DBF4B: variants seen among roughly 807,000 people sequenced by gnomAD.
DBF4B encodes protein DBF4 homolog B.
DBF4B carries 49 observed loss-of-function variants against 53.4 expected under a neutral mutation model. The observed-to-expected ratio is 0.92, with a 90% CI of 0.73 to 1.16. The LOEUF (loss-of-function observed/expected upper bound fraction) is 1.16, where lower values mean the gene tolerates loss of function less well. DBF4B is among the 50% of genes most tolerant of loss of function. The probability of loss-of-function intolerance (pLI) is 0.00; values close to 1 mark genes in which losing one functional copy is unlikely to be tolerated. For synonymous variants in DBF4B, 257 were observed against 288.7 expected (o/e 0.89, Z 1.11); for missense variants, 692 against 775.0 (o/e 0.89, Z 1.27).
chr17:44,723,188 C>T (rs1974003161), intron 3 of DBF4B, among the ~76,000 whole-genome samples, 166 bp downstream of exon 3: 1 of 152,134 alleles, frequency 6.6e-6, no homozygotes, highest in African/African-American at 2.4e-5. Flanking sequence ...CTCACTGCAA[C>T]CTCTGCCTCC....
rs138176405 is a variant in DBF4B, at chr17:44,750,701, G to A, written c.1296G>A (p.Pro432=). Reference sequence around the variant, plus strand: ...GTGTGAGTGCCACAACCCTCCTGCCGGCCTTGCCCAAGGGCTCCAGGGAGC... The same window carrying A: ...GTGTGAGTGCCACAACCCTCCTGCCAGCCTTGCCCAAGGGCTCCAGGGAGC... ...HTCVSATTLL[P]ALPKGSREQG... is the part of the protein sequence containing the mutation. Residue 432 remains proline, a synonymous_variant, in exon 14 of 14, where the codon CCG becomes CCA. Coordinates refer to ENST00000315005, the MANE Select transcript of DBF4B (RefSeq NM_145663.3). The A allele has an allele frequency of 2.4e-4, 382 of 1,614,066 alleles. 1 individual carries two copies. In the African/African-American group the frequency reaches 4.2e-3, roughly 18 times the overall value.
chr17:44,713,170 G>A (rs1006010066), intron 2 of DBF4B, among the ~76,000 whole-genome samples: 3 of 149,092 alleles, frequency 2.0e-5, no homozygotes, highest in Non-Finnish European at 3.0e-5. Context: ...CTCTGGAGTC[G>A]CTGGGACTAC....
At chr17:44,724,526 T>C (rs778047880) in intron 3 of DBF4B, among the ~76,000 whole-genome samples, 23 of 152,274 alleles carry the variant, frequency 1.5e-4, no homozygotes, top group Non-Finnish European at 2.6e-4. Context: ...TACAGGCGCC[T>C]ATCACCACGC....
Position 44,744,087 on chromosome 17 carries a change from C to G in DBF4B, c.830+2635C>G, listed in dbSNP as rs933507009. Among the ~76,000 whole-genome samples the G allele has an allele frequency of 9.6e-5, 5 of 52,178 alleles. 1 individual carries two copies. The highest frequency in any genetic ancestry group is 1.7e-4 in the Non-Finnish European group (4 of 23,300). The allele number at this position is 52,178 out of a possible 152,430, so 34.2% of individuals were successfully genotyped here. A position where few individuals can be genotyped will look rare whatever the true frequency, so the allele number is the denominator to read the frequency against. On this transcript the variant is annotated intron_variant, in intron 10 of 13. Coordinates refer to ENST00000315005, the MANE Select transcript of DBF4B (RefSeq NM_145663.3). Reference sequence around the variant, plus strand: ...TGGGCAACATAATGAGACCACCCCCCCCCCCCCCCGCCCATCTCTATTTTT... The same window carrying G: ...TGGGCAACATAATGAGACCACCCCCGCCCCCCCCCGCCCATCTCTATTTTT...
In DBF4B at chr17:44,708,797, AGG is replaced by A; in HGVS notation, c.-23_-22del. On this transcript the variant is annotated 5_prime_UTR_variant, in exon 1 of 14. Coordinates refer to ENST00000315005, the MANE Select transcript of DBF4B (RefSeq NM_145663.3). ...GGAGGCCTCTGAGGAAGGAGTACGG[AGG>A]CCGAGAAGGAGCCGGCATTTGATGA... 6.4e-7 allele frequency: 1 copy of A among 1,551,002 alleles called. No individual in the cohort carries two copies. The highest frequency in any genetic ancestry group is 1.7e-4 in the Middle Eastern group (1 of 5,986).
chr17:44,729,761 A>G (rs1390006614), intron 3 of DBF4B, 144 bp from the exon 4 acceptor site: 1 of 767,760 alleles, frequency 1.3e-6, no homozygotes, highest in Non-Finnish European at 2.0e-6. Context: ...CTTCTTAGGA[A>G]CTTGGTATGA....
chr17:44,751,164 C>T lies in DBF4B; in HGVS notation c.1759C>T (p.Leu587Phe), dbSNP rs781755870. 2 of 1,614,004 alleles carry T rather than the reference C, an allele frequency of 1.2e-6. No individual in the cohort carries two copies. The highest frequency in any genetic ancestry group is 2.2e-5 in the East Asian group (1 of 44,882). Reference protein sequence around the residue: ...AFPSYLNDHDLGHLCQAKPQG... With the variant: ...AFPSYLNDHDFGHLCQAKPQG... ...CCCCTCCTATCTCAATGATCATGAC[C>T]TTGGACATCTCTGCCAGGCCAAACC... Residue 587 changes from leucine to phenylalanine, a missense_variant, in exon 14 of 14, where the codon CTT becomes TTT. Leu to Phe is a conservative substitution (Grantham distance 22). Transcript: ENST00000315005.
Position 44,722,980 on chromosome 17 carries a change from G to A in DBF4B, c.183G>A (p.Lys61=), listed in dbSNP as rs200821996. 8.4e-4 allele frequency: 1,348 copies of A among 1,614,138 alleles called. 19 individuals are homozygous for A. The South Asian group carries it at 0.014, about 17-fold the overall frequency. ...TTTACTTGGATCTGCCTGCTGGCAAGAATCTCCAGTTTTTGACGGGGGCCA... is the reference window on the plus strand; with the variant it reads ...TTTACTTGGATCTGCCTGCTGGCAAAAATCTCCAGTTTTTGACGGGGGCCA... The part of the protein sequence containing the change: ...KSFYLDLPAG[K]NLQFLTGAIQ... Residue 61 remains lysine (K), a synonymous_variant, in exon 3 of 14, where the codon AAG becomes AAA. Coordinates refer to ENST00000315005, the MANE Select transcript of DBF4B (RefSeq NM_145663.3).
At chr17:44,735,390 A>G (rs1052521585) in intron 7 of DBF4B, among the ~76,000 whole-genome samples, 8 of 152,080 alleles carry the variant, frequency 5.3e-5, no homozygotes, top group African/African-American at 1.7e-4. Flanking sequence ...TCAGTTTTGT[A>G]GGCCGGGCAC....
chr17:44,732,030 C>T (rs1460424033), intron 5 of DBF4B, 148 bp from the exon 6 acceptor site: 6 of 676,486 alleles, frequency 8.9e-6, no homozygotes, highest in Non-Finnish European at 1.3e-5. Context: ...GATGGACTCT[C>T]TGGGCACTGT....
chr17:44,716,491 G>C (rs1166700494), intron 2 of DBF4B, among the ~76,000 whole-genome samples: 1 of 152,098 alleles, frequency 6.6e-6, no homozygotes, highest in Admixed American at 6.6e-5. Context: ...TGTTCCTCTA[G>C]TCCAGGGATT....
At chr17:44,731,764 G>A in intron 5 of DBF4B, 1 of 174,282 alleles carries the variant, frequency 5.7e-6, no homozygotes, top group Non-Finnish European at 1.2e-5. Flanking sequence ...TGGTGCTGCT[G>A]GACTGAGCCA....
At chr17:44,712,301 CTTTT>C (rs1163777667) in intron 2 of DBF4B, among the ~76,000 whole-genome samples, 3 of 71,908 alleles carry the variant, frequency 4.2e-5, no homozygotes, top group Non-Finnish European at 7.2e-5. Context: ...ATTATGTCTT[CTTTT>C]TTTTTTTTTT....
rs370988075 is a variant in DBF4B, at chr17:44,715,884, G to A, written c.82+6518G>A. ...GTCTCCCAGGCTGGAGTGCAATGGC[G>A]CGATCTCAGCTCAATGCAACCTCCC... On this transcript the variant is annotated intron_variant, in intron 2 of 13. Coordinates refer to ENST00000315005, the MANE Select transcript of DBF4B (RefSeq NM_145663.3). Among the ~76,000 whole-genome samples, 75 of 130,602 alleles carry A rather than the reference G, an allele frequency of 5.7e-4. 1 individual carries two copies. Among genetic ancestry groups the A allele is most frequent in the South Asian group, 4.9e-3 (19 of 3,894 alleles). 85.7% of individuals were successfully genotyped at this position (130,602 alleles called of 152,430 possible).
chr17:44,720,997 C>G (rs756272189), intron 2 of DBF4B, among the ~76,000 whole-genome samples: 6 of 152,044 alleles, frequency 3.9e-5, no homozygotes, highest in Non-Finnish European at 7.4e-5. Flanking sequence ...TCCCGAGTAG[C>G]TGGGATTACA....
At chr17:44,747,664 G>A in intron 12 of DBF4B, 149 bp downstream of exon 12, 1 of 1,181,306 alleles carries the variant, frequency 8.5e-7, no homozygotes, top group South Asian at 1.6e-5. Context: ...CCTCAGTCCT[G>A]TTTGTTTTGG....
rs977710530 is a variant in DBF4B, at chr17:44,718,439, A to T, written c.83-4441A>T. Among the ~76,000 whole-genome samples, 16 of 151,250 alleles carry T rather than the reference A, an allele frequency of 1.1e-4. No homozygotes were observed. In the South Asian group the frequency reaches 1.5e-3, roughly 14 times the overall value. ...CTCTATCTCAAAAAAAAAAAAAAAA[A>T]GGTTACATATTGCCTTTAATTATAT... On this transcript the variant is annotated intron_variant, in intron 2 of 13. Transcript: ENST00000315005.
At chr17:44,719,324 A>AC in intron 2 of DBF4B, among the ~76,000 whole-genome samples, 1 of 152,056 alleles carries the variant, frequency 6.6e-6, no homozygotes, top group East Asian at 1.9e-4. Flanking sequence ...CAATTCATCC[A>AC]TATAAAGCGT....
intron 2 of DBF4B, chr17:44,720,295 T>C: frequency 3.8e-6 from 1 of 261,314 alleles, no homozygotes; most frequent in South Asian, 5.2e-5. Flanking sequence ...ACCACCTGGG[T>C]ACCACTGTTC....
Sources: allele counts gnomAD v4.1 joint callset (sites outside exome capture counted in the v4.1 genomes callset), GRCh38; gene constraint gnomAD v4.1.1; transcripts MANE v1.5; gene names NCBI Gene and HGNC (gene_info 2026-07-23, HGNC 2026-07-21).